The following CHL1 variants were observed in gnomAD, a reference collection of about 807,000 sequenced individuals.
CHL1 encodes the protein cell adhesion molecule L1 like.
A neutral mutation model predicts 141.9 loss-of-function variants in CHL1; 96 were observed. That is an observed-to-expected ratio of 0.68 (90% CI 0.57 to 0.80). The LOEUF (loss-of-function observed/expected upper bound fraction) is 0.80, where lower values mean the gene tolerates loss of function less well. Among genes scored for constraint, CHL1 ranks in the 30% least tolerant of loss-of-function variants. The probability of loss-of-function intolerance (pLI) is 0.00; values close to 1 mark genes in which losing one functional copy is unlikely to be tolerated. For missense variants in CHL1, 1,820 were observed against 1,457.2 expected (o/e 1.25, Z -4.05); for synonymous variants, 613 against 502.2 (o/e 1.22, Z -2.95).
At chr3:328,707 G>A (rs139084763) in intron 5 of CHL1, among the ~76,000 whole-genome samples, 13 of 152,178 alleles carry the variant, frequency 8.5e-5, no homozygotes, top group African/African-American at 2.2e-4. Flanking sequence ...GTTATTCCCC[G>A]ATAAAGCAAT....
intron 2 of CHL1, among the ~76,000 whole-genome samples, chr3:272,983 G>A (rs1695775044): frequency 6.6e-6 from 1 of 152,170 alleles, no homozygotes; most frequent in South Asian, 2.1e-4. Flanking sequence ...TATTAAGCTG[G>A]TATAAGTTGG....
At chr3:338,072 G>A (rs1388003773) in intron 5 of CHL1, among the ~76,000 whole-genome samples, 1 of 152,052 alleles carries the variant, frequency 6.6e-6, no homozygotes. Flanking sequence ...CACCATGTTA[G>A]CCAGGATGGT....
chr3:215,743 G>T (rs998783852), intron 1 of CHL1, among the ~76,000 whole-genome samples: 2 of 151,898 alleles, frequency 1.3e-5, no homozygotes, highest in Non-Finnish European at 2.9e-5. Flanking sequence ...TCTATTTCTT[G>T]ACTACATGCT....
At chr3:259,323 CGT>C (rs11274719) in intron 2 of CHL1, among the ~76,000 whole-genome samples, 22 of 143,062 alleles carry the variant, frequency 1.5e-4, no homozygotes, top group East Asian at 3.9e-4. Context: ...TGTGTGCATG[CGT>C]GTGTGTGTGT....
intron 2 of CHL1, among the ~76,000 whole-genome samples, chr3:266,448 C>T (rs1448706196): frequency 6.6e-6 from 1 of 152,148 alleles, no homozygotes; most frequent in Non-Finnish European, 1.5e-5. Context: ...GCATCATGTT[C>T]TTACTTAGAT....
intron 16 of CHL1, among the ~76,000 whole-genome samples, chr3:380,056 C>T (rs1332633717): frequency 2.0e-5 from 3 of 152,130 alleles, no homozygotes; most frequent in Non-Finnish European, 2.9e-5. Flanking sequence ...TAGCTCCATA[C>T]GATTCTCAGA....
At chr3:354,604 A>G (rs766191590) in intron 10 of CHL1, 36 bp from the exon 11 acceptor site, 9 of 1,575,984 alleles carry the variant, frequency 5.7e-6, no homozygotes, top group East Asian at 2.3e-5. Flanking sequence ...TTTGACATAG[A>G]TAACATCTCT....
At chr3:280,238 A>G (rs1407395941) in intron 2 of CHL1, among the ~76,000 whole-genome samples, 2 of 151,732 alleles carry the variant, frequency 1.3e-5, no homozygotes, top group Admixed American at 6.6e-5. Context: ...TGTACCTAAC[A>G]GTGATGAAAA....
At chr3:317,919 A>G (rs1156750794) in intron 2 of CHL1, among the ~76,000 whole-genome samples, 1 of 151,912 alleles carries the variant, frequency 6.6e-6, no homozygotes, top group African/African-American at 2.4e-5. Flanking sequence ...TATATGTTAA[A>G]TTTACCAGTA....
chr3:347,037 G>T (rs1330012329), intron 9 of CHL1, among the ~76,000 whole-genome samples: 1 of 152,032 alleles, frequency 6.6e-6, no homozygotes, highest in Admixed American at 6.6e-5. Flanking sequence ...CTATATTCTT[G>T]CAAATGTTTT....
chr3:330,755 G>C (rs116328958), intron 5 of CHL1, among the ~76,000 whole-genome samples: 1 of 152,074 alleles, frequency 6.6e-6, no homozygotes, highest in Non-Finnish European at 1.5e-5. Flanking sequence ...AGGAACAAAG[G>C]GCAAACTTCA....
At chr3:197,973 C>A (rs1698528551) in intron 1 of CHL1, 1 of 367,528 alleles carries the variant, frequency 2.7e-6, no homozygotes, top group Non-Finnish European at 5.4e-6. Flanking sequence ...TGGGGAAAGC[C>A]AGCCCCTCCG....
intron 5 of CHL1, among the ~76,000 whole-genome samples, chr3:333,013 C>T (rs1360885476): frequency 6.6e-6 from 1 of 150,852 alleles, no homozygotes; most frequent in Non-Finnish European, 1.5e-5. Context: ...TCTAGGCAGA[C>T]CAAGTGAAGA....
chr3:223,149 G>T (rs1248675299), intron 1 of CHL1, among the ~76,000 whole-genome samples: 2 of 151,962 alleles, frequency 1.3e-5, no homozygotes, highest in Non-Finnish European at 2.9e-5. Context: ...AACATCTTTG[G>T]GGTTATTATT....
intron 11 of CHL1, among the ~76,000 whole-genome samples, chr3:355,541 A>G (rs1294638750): frequency 1.3e-5 from 2 of 152,142 alleles, no homozygotes; most frequent in Non-Finnish European, 2.9e-5. Context: ...ACATATTTTT[A>G]CGTGTCAATT....
At chr3:376,773 A>G (rs747425444) in intron 15 of CHL1, among the ~76,000 whole-genome samples, 2 of 152,198 alleles carry the variant, frequency 1.3e-5, no homozygotes, top group African/African-American at 2.4e-5. Flanking sequence ...ATGACCTGAC[A>G]TGTTAATTCA....
At chr3:218,539 T>C (rs1180869544) in intron 1 of CHL1, among the ~76,000 whole-genome samples, 1 of 152,170 alleles carries the variant, frequency 6.6e-6, no homozygotes. Context: ...AGAAAATAAA[T>C]TATGTTGACT....
At chr3:332,083 G>A (rs552108078) in intron 5 of CHL1, among the ~76,000 whole-genome samples, 8 of 152,280 alleles carry the variant, frequency 5.3e-5, no homozygotes, top group African/African-American at 1.7e-4. Context: ...TAGCTCATGT[G>A]CATGTGCCTC....
At chr3:257,900 T>G (rs1017418061) in intron 2 of CHL1, among the ~76,000 whole-genome samples, 5 of 151,958 alleles carry the variant, frequency 3.3e-5, no homozygotes, top group African/African-American at 1.2e-4. Flanking sequence ...GGCGAAGAAA[T>G]CATTGAATTT....
Sources: allele counts gnomAD v4.1 joint callset (sites outside exome capture counted in the v4.1 genomes callset), GRCh38; gene constraint gnomAD v4.1.1; transcripts MANE v1.5; gene names NCBI Gene and HGNC (gene_info 2026-07-23, HGNC 2026-07-21).